The following VWC2L variants were observed in gnomAD, a reference collection of about 807,000 sequenced individuals.
VWC2L encodes von Willebrand factor C domain-containing protein 2-like.
Under a neutral mutation model 21.6 loss-of-function variants are expected in VWC2L, and 10 were observed. That is an observed-to-expected ratio of 0.46 (90% CI 0.29 to 0.78). VWC2L has a LOEUF of 0.78. Among genes scored for constraint, VWC2L ranks in the 30% least tolerant of loss-of-function variants. The pLI, the probability that VWC2L is intolerant of heterozygous loss-of-function variation, is 0.10. For missense variants in VWC2L, 209 were observed against 277.1 expected (o/e 0.75, Z 1.74); for synonymous variants, 96 against 94.3 (o/e 1.02, Z -0.10).
At chr2:214,470,916 C>CAA (rs56041924) in intron 3 of VWC2L, among the ~76,000 whole-genome samples, 512 of 50,806 alleles carry the variant, frequency 0.01, 82 homozygotes, top group African/African-American at 0.018. Flanking sequence ...AACTCCATCT[C>CAA]AAAAAAAAAA....
rs570802544 is a variant in VWC2L at position 214,456,147 on chromosome 2, A to C, written c.520+19389A>C. Among the ~76,000 whole-genome samples, 17 of 152,264 alleles carry C rather than the reference A, an allele frequency of 1.1e-4. No individual in the cohort carries two copies. The South Asian group carries it at 2.3e-3, about 20-fold the overall frequency. On this transcript the variant is annotated intron_variant, in intron 3 of 3. Transcript: ENST00000312504. ...TTCAATAATGGCTGTACCAATTTACAGTCCCATTAACAGTGTATAAGCTTC... is the reference window on the plus strand; with the variant it reads ...TTCAATAATGGCTGTACCAATTTACCGTCCCATTAACAGTGTATAAGCTTC...
At chr2:214,436,553 T>C in intron 2 of VWC2L, 76 bp from the exon 3 acceptor site, 1 of 1,546,184 alleles carries the variant, frequency 6.5e-7, no homozygotes, top group Non-Finnish European at 8.8e-7. Context: ...CACTGATGTT[T>C]TGTCTTCTGA....
chr2:214,455,591 T>C, intron 3 of VWC2L, among the ~76,000 whole-genome samples: 1 of 152,320 alleles, frequency 6.6e-6, no homozygotes, highest in South Asian at 2.1e-4. Context: ...ATACAATATA[T>C]TGTTTTAACT....
chr2:214,517,422 G>A (rs903270123), intron 3 of VWC2L, among the ~76,000 whole-genome samples: 4 of 152,134 alleles, frequency 2.6e-5, no homozygotes, highest in South Asian at 2.1e-4. Context: ...TTGGCTGCAC[G>A]TCTCAATCAG....
chr2:214,484,431 T>G (rs1688648498), intron 3 of VWC2L, among the ~76,000 whole-genome samples: 1 of 152,138 alleles, frequency 6.6e-6, no homozygotes. Context: ...AACTAGATGT[T>G]CTCTGGGGGA....
At chr2:214,562,836 G>C (rs10932547) in intron 3 of VWC2L, among the ~76,000 whole-genome samples, 104,609 of 152,038 alleles carry the variant, frequency 0.69, 37,725 homozygotes, top group East Asian at 0.83. Context: ...GTGAATTTAA[G>C]TTCCTTGTAG....
Position 214,531,391 on chromosome 2 carries a change from TAGTACAGG to T in VWC2L, c.521-44277_521-44270del, listed in dbSNP as rs1215658263. 2.0e-5 allele frequency among the ~76,000 whole-genome samples: 3 copies of T among 152,200 alleles called. No homozygotes were observed. In the East Asian group the frequency reaches 5.8e-4, roughly 29 times the overall value. On this transcript the variant is annotated intron_variant, in intron 3 of 3. Transcript: ENST00000312504. ...TTTTTAGATGAAGTTATTTCTTCCT[TAGTACAGG>T]AGTCCTTCTTCCAAATGTATGGAAG... is the stretch of plus-strand genomic sequence containing the variant.
At chr2:214,487,644 T>C (rs1471891829) in intron 3 of VWC2L, among the ~76,000 whole-genome samples, 3 of 152,138 alleles carry the variant, frequency 2.0e-5, no homozygotes, top group Admixed American at 6.5e-5. Flanking sequence ...ACAATGGGCC[T>C]TCCATGAAAC....
At chr2:214,563,994 A>T (rs1329108204) in intron 3 of VWC2L, among the ~76,000 whole-genome samples, 2 of 152,214 alleles carry the variant, frequency 1.3e-5, no homozygotes, top group Admixed American at 1.3e-4. Flanking sequence ...ATCAACGTGT[A>T]GAAGTCACAG....
chr2:214,551,657 C>T (rs897772523), intron 3 of VWC2L, among the ~76,000 whole-genome samples: 9 of 152,174 alleles, frequency 5.9e-5, no homozygotes, highest in Admixed American at 1.3e-4. Flanking sequence ...AACTTAAAAC[C>T]TGCAGTTCAT....
chr2:214,432,560 T>C (rs1430538740), intron 2 of VWC2L, among the ~76,000 whole-genome samples: 1 of 152,240 alleles, frequency 6.6e-6, no homozygotes, highest in Middle Eastern at 3.2e-3. Context: ...GTTTCACCAT[T>C]CACAACTACT....
intron 2 of VWC2L, 167 bp downstream of exon 2, chr2:214,414,750 A>C (rs1056710045): frequency 1.4e-6 from 1 of 733,154 alleles, no homozygotes; most frequent in Non-Finnish European, 2.1e-6. Flanking sequence ...ACAAATGGCC[A>C]ACTGGTTTGT....
At chr2:214,413,588 A>G (rs1398840057) in intron 1 of VWC2L, among the ~76,000 whole-genome samples, 1 of 152,194 alleles carries the variant, frequency 6.6e-6, no homozygotes, top group Admixed American at 6.5e-5. Flanking sequence ...GGCATAAATA[A>G]GTAGGAAATC....
intron 3 of VWC2L, among the ~76,000 whole-genome samples, chr2:214,528,418 G>A (rs938896101): frequency 5.3e-5 from 8 of 152,126 alleles, no homozygotes; most frequent in Non-Finnish European, 1.0e-4. Flanking sequence ...TTAAATCCAA[G>A]TGGAATAAAT....
At chr2:214,455,921 A>G (rs1043013097) in intron 3 of VWC2L, among the ~76,000 whole-genome samples, 2 of 152,076 alleles carry the variant, frequency 1.3e-5, no homozygotes, top group Non-Finnish European at 2.9e-5. Flanking sequence ...CAGATACCAC[A>G]TTTTCTTTAT....
chr2:214,458,375 A>G (rs1248596803), intron 3 of VWC2L, among the ~76,000 whole-genome samples: 1 of 151,982 alleles, frequency 6.6e-6, no homozygotes, highest in African/African-American at 2.4e-5. Flanking sequence ...TTTCAAAAAG[A>G]CAACTTTTTG....
intron 3 of VWC2L, among the ~76,000 whole-genome samples, chr2:214,511,861 TATATATATA>T (rs1162227037): frequency 4.0e-4 from 25 of 62,356 alleles, no homozygotes; most frequent in Non-Finnish European, 1.7e-4. Context: ...ATATATACTC[TATATATATA>T]CTTTATATAT....
At position 214,463,989 on chromosome 2, in the gene VWC2L, C is replaced by T. The variant is rs146144948; in HGVS notation, c.520+27231C>T. On this transcript the variant is annotated intron_variant, in intron 3 of 3. Transcript: ENST00000312504. ...GAATTTTTCAGCTTCAAAATTTCTGCTTGGTTTTTAAAAATTATTTCAATC... is the reference window on the plus strand; with the variant it reads ...GAATTTTTCAGCTTCAAAATTTCTGTTTGGTTTTTAAAAATTATTTCAATC... Among the ~76,000 whole-genome samples, 1,085 of 152,116 alleles carry T rather than the reference C, an allele frequency of 7.1e-3. 11 individuals are homozygous for T. The highest frequency in any genetic ancestry group is 0.025 in the African/African-American group (1,029 of 41,504).
chr2:214,453,443 G>A (rs561141033), intron 3 of VWC2L, among the ~76,000 whole-genome samples: 1 of 152,066 alleles, frequency 6.6e-6, no homozygotes, highest in African/African-American at 2.4e-5. Context: ...TTGTTTAGCT[G>A]TTCTAGGTTC....
Sources: allele counts gnomAD v4.1 joint callset (sites outside exome capture counted in the v4.1 genomes callset), GRCh38; gene constraint gnomAD v4.1.1; transcripts MANE v1.5; gene names NCBI Gene and HGNC (gene_info 2026-07-23, HGNC 2026-07-21).